Variants in GPC6 observed in about 807,000 individuals in gnomAD.
The protein encoded by GPC6 is glypican-6.
GPC6 carries 14 observed loss-of-function variants against 55.2 expected under a neutral mutation model. The observed-to-expected ratio is 0.25, with a 90% CI of 0.17 to 0.40. GPC6 has a LOEUF of 0.40. GPC6 is among the 10% of genes least tolerant of loss of function. The pLI is 1.00. For missense variants in GPC6, 641 were observed against 708.5 expected, an observed-to-expected ratio of 0.90 and a Z score of 1.08; for synonymous variants, 278 against 259.6, an observed-to-expected ratio of 1.07 and a Z score of -0.68.
At chr13:94,215,592 A>G (rs927547394) in intron 4 of GPC6, among the ~76,000 whole-genome samples, 2 of 152,196 alleles carry the variant, frequency 1.3e-5, no homozygotes, top group African/African-American at 4.8e-5. Flanking sequence ...ATATTTAACA[A>G]CAAATATGTC....
chr13:93,987,652 G>A (rs940387737), intron 3 of GPC6, among the ~76,000 whole-genome samples: 2 of 152,164 alleles, frequency 1.3e-5, no homozygotes, highest in African/African-American at 4.8e-5. Flanking sequence ...TGGAGTAAAA[G>A]TGTCACTTTC....
At chr13:93,265,031 C>CT (rs1212544830) in intron 1 of GPC6, among the ~76,000 whole-genome samples, 2 of 152,132 alleles carry the variant, frequency 1.3e-5, no homozygotes, top group Admixed American at 6.5e-5. Context: ...GGTCTACTCT[C>CT]TGAGTTCTTA....
chr13:94,111,476 A>G (rs1412818539), intron 4 of GPC6, among the ~76,000 whole-genome samples: 1 of 5,638 alleles, frequency 1.8e-4, no homozygotes. Flanking sequence ...AAGTAAATAT[A>G]ATAATAATAA....
intron 4 of GPC6, among the ~76,000 whole-genome samples, chr13:94,199,569 C>T (rs1417737876): frequency 6.6e-6 from 1 of 152,200 alleles, no homozygotes; most frequent in East Asian, 1.9e-4. Flanking sequence ...GCATCCTTCT[C>T]TACCACTTGT....
intron 1 of GPC6, among the ~76,000 whole-genome samples, chr13:93,491,926 T>C (rs1276723053): frequency 5.5e-5 from 6 of 108,830 alleles, no homozygotes; most frequent in Admixed American, 1.8e-4. Context: ...TACTGTAGCC[T>C]TGTAGTATAG....
chr13:93,924,477 T>C (rs1370200246), intron 3 of GPC6, among the ~76,000 whole-genome samples: 1 of 152,234 alleles, frequency 6.6e-6, no homozygotes, highest in African/African-American at 2.4e-5. Flanking sequence ...AATTCTATTA[T>C]GGATTTAGGG....
At chr13:94,149,848 G>T (rs1040833626) in intron 4 of GPC6, among the ~76,000 whole-genome samples, 1 of 151,910 alleles carries the variant, frequency 6.6e-6, no homozygotes, top group South Asian at 2.1e-4. Context: ...CACTTCGCAC[G>T]TTCTATCTCC....
intron 2 of GPC6, among the ~76,000 whole-genome samples, chr13:93,593,555 C>T (rs962195011): frequency 1.3e-5 from 2 of 152,010 alleles, no homozygotes; most frequent in Non-Finnish European, 2.9e-5. Context: ...TAAACTAGAT[C>T]TAGTTTGATA....
intron 2 of GPC6, among the ~76,000 whole-genome samples, chr13:93,627,486 C>T (rs925079732): frequency 7.2e-5 from 11 of 152,086 alleles, no homozygotes; most frequent in East Asian, 1.9e-4. Flanking sequence ...TACAATTAAA[C>T]GTGAGATTTA....
At chr13:94,061,684 A>G (rs1464021006) in intron 4 of GPC6, among the ~76,000 whole-genome samples, 1 of 151,924 alleles carries the variant, frequency 6.6e-6, no homozygotes, top group Non-Finnish European at 1.5e-5. Flanking sequence ...GAAATCTTTC[A>G]GATATGCCCT....
chr13:93,460,857 AG>A (rs1289719011), intron 1 of GPC6, among the ~76,000 whole-genome samples: 2 of 152,184 alleles, frequency 1.3e-5, no homozygotes, highest in African/African-American at 4.8e-5. Flanking sequence ...TTGAGTAACA[AG>A]GTTTTAAAAA....
At chr13:94,260,983 A>T (rs1891639419) in intron 4 of GPC6, among the ~76,000 whole-genome samples, 1 of 152,216 alleles carries the variant, frequency 6.6e-6, no homozygotes, top group Admixed American at 6.5e-5. Flanking sequence ...TATGAAAATA[A>T]GGAAAAGGCG....
At chr13:93,782,422 T>G (rs1885680883) in intron 2 of GPC6, among the ~76,000 whole-genome samples, 1 of 152,194 alleles carries the variant, frequency 6.6e-6, no homozygotes. Flanking sequence ...TGTACTTGCT[T>G]ATTTCATTTT....
intron 3 of GPC6, among the ~76,000 whole-genome samples, chr13:94,007,189 T>C (rs999686909): frequency 6.6e-5 from 10 of 152,136 alleles, no homozygotes; most frequent in Non-Finnish European, 1.3e-4. Flanking sequence ...CTCTTGAAGT[T>C]CCTCCCCTGG....
intron 7 of GPC6, among the ~76,000 whole-genome samples, chr13:94,390,120 G>A (rs1880579456): frequency 6.6e-6 from 1 of 152,198 alleles, no homozygotes; most frequent in South Asian, 2.1e-4. Flanking sequence ...ACAGAGTGTG[G>A]GTTGACTAAC....
intron 2 of GPC6, among the ~76,000 whole-genome samples, chr13:93,800,029 A>G (rs1886321475): frequency 6.6e-6 from 1 of 152,122 alleles, no homozygotes; most frequent in African/African-American, 2.4e-5. Flanking sequence ...TGATACCTTC[A>G]TTTCTCATCC....
At chr13:93,361,966 T>C (rs1295463959) in intron 1 of GPC6, among the ~76,000 whole-genome samples, 2 of 152,214 alleles carry the variant, frequency 1.3e-5, no homozygotes, top group African/African-American at 2.4e-5. Flanking sequence ...CACTTGTGAC[T>C]GGATGATCAT....
intron 1 of GPC6, among the ~76,000 whole-genome samples, chr13:93,248,527 T>C (rs1167161134): frequency 6.6e-6 from 1 of 152,154 alleles, no homozygotes; most frequent in Admixed American, 6.5e-5. Context: ...GCAGGCTTTT[T>C]CCCAGTACGA....
At chr13:93,930,682 G>A (rs777312725) in intron 3 of GPC6, among the ~76,000 whole-genome samples, 1 of 152,108 alleles carries the variant, frequency 6.6e-6, no homozygotes, top group Non-Finnish European at 1.5e-5. Flanking sequence ...ATTGGAAGCA[G>A]GGAAGTCACT....
Sources: allele counts gnomAD v4.1 joint callset (sites outside exome capture counted in the v4.1 genomes callset), GRCh38; gene constraint gnomAD v4.1.1; transcripts MANE v1.5; gene names NCBI Gene and HGNC (gene_info 2026-07-23, HGNC 2026-07-21).